The following SPAG16 variants were observed in gnomAD, a reference collection of about 807,000 sequenced individuals.
SPAG16 encodes the protein sperm associated antigen 16.
A neutral mutation model predicts 80.4 loss-of-function variants in SPAG16; 86 were observed. The observed-to-expected ratio is 1.07, with a 90% CI of 0.90 to 1.28. The LOEUF (loss-of-function observed/expected upper bound fraction) is 1.28. SPAG16 is among the 50% of genes most tolerant of loss of function. The pLI, the probability that SPAG16 is intolerant of heterozygous loss-of-function variation, is 0.00. For synonymous variants in SPAG16, 294 were observed against 265.9 expected, an observed-to-expected ratio of 1.11 and a Z score of -1.03; for missense variants, 870 against 765.3, an observed-to-expected ratio of 1.14 and a Z score of -1.61.
At chr2:213,317,621 A>G (rs1406545720) in intron 5 of SPAG16, 1 of 1,079,636 alleles carries the variant, frequency 9.3e-7, no homozygotes, top group East Asian at 5.7e-5. Context: ...TTCCTTGTGT[A>G]TTTGATAGTC....
chr2:214,200,570 G>C (rs563413382), intron 15 of SPAG16, among the ~76,000 whole-genome samples: 1 of 152,064 alleles, frequency 6.6e-6, no homozygotes, highest in African/African-American at 2.4e-5. Flanking sequence ...GTTACAAAGA[G>C]GGGGAGGTGA....
At chr2:213,980,296 TATATATATTCTCTATATATATA>T in intron 12 of SPAG16, among the ~76,000 whole-genome samples, 1 of 35,906 alleles carries the variant, frequency 2.8e-5, no homozygotes, top group Non-Finnish European at 4.0e-5. Flanking sequence ...TATATGTGTG[TATATATATTCTCTATATATATA>T]GAATATATGT....
rs899612806 is a variant in SPAG16 at position 214,267,076 on chromosome 2, G to GA, written c.1720+117819dup. Among the ~76,000 whole-genome samples, 25 of 147,768 alleles carry GA rather than the reference G, an allele frequency of 1.7e-4. No homozygotes were observed. The East Asian group carries it at 2.8e-3, about 16-fold the overall frequency. On this transcript the variant is annotated intron_variant, in intron 15 of 15. Transcript: ENST00000331683. ...TCCAATGTCATTCTTCACAGAAATA[G>GA]AAAAAAAAATCCTAAAATTTGTATG...
chr2:213,620,176 G>C (rs537401525), intron 10 of SPAG16, among the ~76,000 whole-genome samples: 97 of 145,682 alleles, frequency 6.7e-4, no homozygotes, highest in South Asian at 1.1e-3. Flanking sequence ...AAGAGGGAAA[G>C]AAAAAAAGGT....
chr2:213,380,735 T>C (rs951323425), intron 9 of SPAG16, among the ~76,000 whole-genome samples: 12 of 152,136 alleles, frequency 7.9e-5, no homozygotes, highest in Admixed American at 5.9e-4. Flanking sequence ...TGCTCCATAA[T>C]CCAAGAGGCC....
At chr2:214,330,282 A>G (rs1386283503) in intron 15 of SPAG16, among the ~76,000 whole-genome samples, 1 of 151,768 alleles carries the variant, frequency 6.6e-6, no homozygotes, top group Non-Finnish European at 1.5e-5. Flanking sequence ...TGTCTCAAAA[A>G]AAAAAAAAGG....
chr2:213,983,011 GTTTAC>G (rs2045837307), intron 12 of SPAG16, among the ~76,000 whole-genome samples: 1 of 151,870 alleles, frequency 6.6e-6, no homozygotes, highest in African/African-American at 2.4e-5. Context: ...ACTCTTGAAT[GTTTAC>G]TTTAAATCAC....
chr2:213,969,065 A>G lies in SPAG16; in HGVS notation c.1400+38920A>G, dbSNP rs546834283. Among the ~76,000 whole-genome samples the G allele has an allele frequency of 1.3e-3, 191 of 152,338 alleles. 1 individual carries two copies. The highest frequency in any genetic ancestry group is 5.4e-4 in the Non-Finnish European group (37 of 68,020). ...ATGGCATTTGAGGTGGGATTTAAAA[A>G]GGGAAGAAAAATGGGAGCAAGAACT... On this transcript the variant is annotated intron_variant, in intron 12 of 15. Transcript: ENST00000331683.
intron 10 of SPAG16, among the ~76,000 whole-genome samples, chr2:213,769,364 G>A (rs998710482): frequency 1.3e-5 from 2 of 152,148 alleles, no homozygotes; most frequent in African/African-American, 4.8e-5. Context: ...GGTAGAATAT[G>A]GACTTGAAGA....
At chr2:214,257,055 A>G (rs1210944148) in intron 15 of SPAG16, among the ~76,000 whole-genome samples, 1 of 151,888 alleles carries the variant, frequency 6.6e-6, no homozygotes, top group Non-Finnish European at 1.5e-5. Flanking sequence ...CTCATGACTT[A>G]TTTAGTGTTC....
At chr2:214,124,009 C>G (rs1325573429) in intron 14 of SPAG16, among the ~76,000 whole-genome samples, 12 of 151,496 alleles carry the variant, frequency 7.9e-5, no homozygotes, top group Admixed American at 7.9e-4. Context: ...TTTTTTTAAC[C>G]CTAGAATTCT....
intron 10 of SPAG16, among the ~76,000 whole-genome samples, chr2:213,490,963 T>G (rs1194060806): frequency 2.0e-5 from 3 of 152,200 alleles, no homozygotes; most frequent in African/African-American, 7.2e-5. Flanking sequence ...TATTTTTTTT[T>G]CATTTGCAAA....
intron 13 of SPAG16, among the ~76,000 whole-genome samples, chr2:214,064,558 A>G (rs2050440337): frequency 6.6e-6 from 1 of 152,062 alleles, no homozygotes; most frequent in South Asian, 2.1e-4. Context: ...CATCATTTTA[A>G]TTCCAAGGAG....
At chr2:214,361,135 C>A (rs903999100) in intron 15 of SPAG16, among the ~76,000 whole-genome samples, 2 of 151,778 alleles carry the variant, frequency 1.3e-5, no homozygotes, top group Admixed American at 6.6e-5. Context: ...TCAGAGAAAG[C>A]CTTTTCACTG....
At chr2:213,453,402 T>A (rs2071816286) in intron 9 of SPAG16, among the ~76,000 whole-genome samples, 1 of 152,212 alleles carries the variant, frequency 6.6e-6, no homozygotes, top group African/African-American at 2.4e-5. Context: ...ATTTTTAACA[T>A]GTGCATTATA....
intron 12 of SPAG16, among the ~76,000 whole-genome samples, chr2:214,013,684 T>G (rs1326542687): frequency 6.6e-6 from 1 of 152,218 alleles, no homozygotes; most frequent in Admixed American, 6.5e-5. Flanking sequence ...CATTTCATGG[T>G]AAAGTATAAA....
chr2:213,931,887 G>T (rs769850794), intron 12 of SPAG16, among the ~76,000 whole-genome samples: 3 of 151,924 alleles, frequency 2.0e-5, no homozygotes, highest in Non-Finnish European at 4.4e-5. Context: ...GATAAGTATT[G>T]ACAAATAAAG....
Position 214,208,680 on chromosome 2 carries a change from G to A in SPAG16, c.1720+59414G>A, listed in dbSNP as rs79611657. On this transcript the variant is annotated intron_variant, in intron 15 of 15. Transcript: ENST00000331683. ...GGTTGCAATTTTTTTTTTAGTTTTT[G>A]CAATCAGACCTTGGTGATGACATTG... is the stretch of plus-strand genomic sequence containing the variant. Among the ~76,000 whole-genome samples the A allele has an allele frequency of 9.5e-3, 1,449 of 151,830 alleles. 23 individuals are homozygous for A. The highest frequency in any genetic ancestry group is 0.033 in the African/African-American group (1,351 of 41,420).
intron 9 of SPAG16, among the ~76,000 whole-genome samples, chr2:213,403,427 C>T (rs961400733): frequency 6.6e-6 from 1 of 152,050 alleles, no homozygotes; most frequent in African/African-American, 2.4e-5. Context: ...AAATGTTATC[C>T]AGCATATAAA....
Sources: gnomAD v4.1 joint callset for allele counts (sites outside exome capture counted in the v4.1 genomes callset) on GRCh38, gnomAD v4.1.1 for gene constraint, MANE v1.5 for transcripts, NCBI Gene and HGNC (gene_info 2026-07-23, HGNC 2026-07-21) for gene names.